AGBL3: variants seen among roughly 807,000 people sequenced by gnomAD.
AGBL3 encodes cytosolic carboxypeptidase 3.
Under a neutral mutation model 94.5 loss-of-function variants are expected in AGBL3, and 68 were observed. The ratio of observed to expected loss-of-function variants is 0.72; its 90% CI spans 0.59 to 0.88. AGBL3 has a LOEUF of 0.88. Among genes scored for constraint, AGBL3 ranks in the 40% least tolerant of loss-of-function variants. The pLI is 0.00. For synonymous variants in AGBL3, 354 were observed against 370.7 expected (o/e 0.95, Z 0.52); for missense variants, 934 against 1,103.8 (o/e 0.85, Z 2.18).
chr7:134,987,283 C>T (rs548305367), intron 1 of AGBL3, among the ~76,000 whole-genome samples: 3 of 152,146 alleles, frequency 2.0e-5, no homozygotes, highest in African/African-American at 7.2e-5. Context: ...CAAGAAATTT[C>T]GATTATTCCC....
In AGBL3 at chr7:134,986,601, GATCGCGA is replaced by G. The variant is rs1809463225; in HGVS notation, c.-159_-153del. ...CGGCTGGATACCGGGTTCTCCGCGA[GATCGCGA>G]GATCCCGAGATATTCTCCCCGCACG... On this transcript the variant is annotated 5_prime_UTR_variant, in exon 1 of 17. Coordinates refer to ENST00000436302, the MANE Select transcript of AGBL3 (RefSeq NM_178563.4). The G allele has an allele frequency of 1.1e-4, 1 of 9,270 alleles. No individual in the cohort carries two copies. Among genetic ancestry groups the G allele is most frequent in the African/African-American group, 9.9e-4 (1 of 1,014 alleles). 0.6% of individuals were successfully genotyped at this position (9,270 alleles called of 1,614,324 possible).
intron 3 of AGBL3, among the ~76,000 whole-genome samples, chr7:134,993,167 C>T (rs561897532): frequency 2.0e-5 from 3 of 152,122 alleles, no homozygotes; most frequent in Admixed American, 6.5e-5. Flanking sequence ...GTATTTAACT[C>T]GTTAGACAAA....
intron 16 of AGBL3, among the ~76,000 whole-genome samples, chr7:135,117,875 G>A (rs991804988): frequency 8.5e-5 from 13 of 152,182 alleles, no homozygotes; most frequent in African/African-American, 2.7e-4. Context: ...TCTACCCACT[G>A]GCATGGTTGC....
At chr7:135,035,017 A>G in intron 7 of AGBL3, 89 bp downstream of exon 7, 1 of 1,182,244 alleles carries the variant, frequency 8.5e-7, no homozygotes, top group South Asian at 1.8e-5. Flanking sequence ...TTTTACTGTA[A>G]CTTCTCAAGA....
rs772500674 is a variant in AGBL3, at chr7:135,045,563, G to A, written c.1717G>A (p.Asp573Asn). Residue 573 changes from aspartate (D) to asparagine (N), a missense_variant, in exon 10 of 17, where the codon GAC becomes AAC. Coordinates refer to ENST00000436302, the MANE Select transcript of AGBL3 (RefSeq NM_178563.4). The part of the protein sequence containing the change: ...CDSLLDYCDP[D>N]RTKYYRCLKE... The stretch of plus-strand genomic sequence containing the variant: ...TTCTCTCTTGGATTATTGTGATCCC[G>A]ACCGGACCAAGGTAAGCAAAGTCCA... 7.7e-6 allele frequency: 12 copies of A among 1,550,724 alleles called. No individual in the cohort carries two copies. The highest frequency in any genetic ancestry group is 6.0e-5 in the South Asian group (5 of 84,012).
intron 16 of AGBL3, chr7:135,129,204 T>G: frequency 1.4e-6 from 2 of 1,426,504 alleles, no homozygotes; most frequent in Non-Finnish European, 9.9e-7. Flanking sequence ...CCCCCACGCA[T>G]GCTGCCAGCT....
At chr7:135,128,291 C>CAAAAAAAAAAAAAAAAAAAAAAA (rs61217008) in intron 16 of AGBL3, among the ~76,000 whole-genome samples, 1 of 58,070 alleles carries the variant, frequency 1.7e-5, no homozygotes, top group Non-Finnish European at 2.7e-5. Context: ...GACTCCATCT[C>CAAAAAAAAAAAAAAAAAAAAAAA]AAAAAAAAAA....
chr7:135,066,003 A>G (rs1233552874), intron 12 of AGBL3, among the ~76,000 whole-genome samples: 1 of 152,224 alleles, frequency 6.6e-6, no homozygotes, highest in Admixed American at 6.5e-5. Flanking sequence ...ACTTAAACGT[A>G]AGACCTGAAA....
At chr7:135,031,962 A>G (rs534913860) in intron 5 of AGBL3, among the ~76,000 whole-genome samples, 2 of 152,244 alleles carry the variant, frequency 1.3e-5, no homozygotes, top group East Asian at 3.9e-4. Flanking sequence ...TTCTCTCTCT[A>G]TGTAGCTTTC....
intron 5 of AGBL3, among the ~76,000 whole-genome samples, chr7:135,020,304 A>G (rs1451127329): frequency 6.6e-6 from 1 of 152,256 alleles, no homozygotes; most frequent in Non-Finnish European, 1.5e-5. Flanking sequence ...AGACACATGA[A>G]AAAGTGCTCA....
intron 13 of AGBL3, among the ~76,000 whole-genome samples, 195 bp from the exon 14 acceptor site, chr7:135,080,008 A>T (rs890975418): frequency 6.6e-6 from 1 of 152,112 alleles, no homozygotes; most frequent in African/African-American, 2.4e-5. Flanking sequence ...CTACTCATTG[A>T]TGCAGGAGAA....
At position 134,986,575 on chromosome 7, in the gene AGBL3, G is replaced by C. The variant is rs1307477356; in HGVS notation, c.-186G>C. ...ATCTCCAGCAGTGGCGTTACTTCTA[G>C]CGGCTGGATACCGGGTTCTCCGCGA... On this transcript the variant is annotated 5_prime_UTR_variant, in exon 1 of 17. It removes the in-frame stop codon of an upstream open reading frame in the 5' UTR. Transcript: ENST00000436302. 1 of 144,022 alleles carries C rather than the reference G, an allele frequency of 6.9e-6. No homozygotes were observed. The highest frequency in any genetic ancestry group is 1.5e-5 in the Non-Finnish European group (1 of 66,254). The allele number at this position is 144,022 out of a possible 1,614,324, so 8.9% of individuals were successfully genotyped here.
chr7:135,127,946 C>A (rs1828120350), intron 16 of AGBL3, among the ~76,000 whole-genome samples: 1 of 152,070 alleles, frequency 6.6e-6, no homozygotes, highest in South Asian at 2.1e-4. Flanking sequence ...CAGTGATAGA[C>A]TGGATAAAGA....
intron 8 of AGBL3, among the ~76,000 whole-genome samples, chr7:135,038,237 C>A (rs1816495047): frequency 6.8e-6 from 1 of 146,408 alleles, no homozygotes; most frequent in African/African-American, 2.5e-5. Flanking sequence ...TGGAGAAGAA[C>A]TAATTGTCTT....
At chr7:134,996,003 C>G (rs923904860) in intron 4 of AGBL3, among the ~76,000 whole-genome samples, 8 of 152,206 alleles carry the variant, frequency 5.3e-5, no homozygotes, top group African/African-American at 1.9e-4. Context: ...TTCCCACAGT[C>G]TTACGTATTG....
chr7:135,028,264 GA>G, intron 5 of AGBL3, among the ~76,000 whole-genome samples: 1 of 151,516 alleles, frequency 6.6e-6, no homozygotes, highest in East Asian at 2.1e-4. Flanking sequence ...CTTCATGAAA[GA>G]TTTCTCTGTA....
At position 135,082,793 on chromosome 7, in the gene AGBL3, T is replaced by C. The variant is rs189176920; in HGVS notation, c.2110+1003T>C. Among the ~76,000 whole-genome samples the C allele has an allele frequency of 2.0e-5, 3 of 152,280 alleles. 1 individual carries two copies. Among genetic ancestry groups the C allele is most frequent in the Admixed American group, 2.0e-4 (3 of 15,274 alleles). ...GCCTTTCATGAACTATTATGTCATA[T>C]TGTTATACTATATATATATGCATGT... On this transcript the variant is annotated intron_variant, in intron 15 of 16. Transcript: ENST00000436302.
intron 5 of AGBL3, among the ~76,000 whole-genome samples, chr7:135,023,621 C>T (rs1174771628): frequency 2.0e-5 from 3 of 152,098 alleles, no homozygotes; most frequent in Non-Finnish European, 4.4e-5. Flanking sequence ...CCATAGGTGC[C>T]CATCTTCTAA....
At chr7:135,001,750 GT>G (rs1429226528) in intron 4 of AGBL3, among the ~76,000 whole-genome samples, 2 of 152,166 alleles carry the variant, frequency 1.3e-5, no homozygotes, top group African/African-American at 4.8e-5. Context: ...GCTAGTGTCT[GT>G]AGCTTGGACC....
Sources: allele counts gnomAD v4.1 joint callset (sites outside exome capture counted in the v4.1 genomes callset), GRCh38; gene constraint gnomAD v4.1.1; transcripts MANE v1.5; gene names NCBI Gene and HGNC (gene_info 2026-07-23, HGNC 2026-07-21).